Variants in ESR1 observed in about 807,000 individuals in gnomAD.
ESR1 encodes the protein estrogen receptor.
In ESR1, 12 loss-of-function variants were observed where a neutral mutation model predicts 52.7. That is an observed-to-expected ratio of 0.23 (90% CI 0.15 to 0.37). The LOEUF (loss-of-function observed/expected upper bound fraction) is 0.37. Ranked by LOEUF, ESR1 falls within the 10% of genes least tolerant of loss-of-function variation. The pLI, the probability that ESR1 is intolerant of heterozygous loss-of-function variation, is 1.00. For synonymous variants in ESR1, 305 were observed against 316.8 expected, an observed-to-expected ratio of 0.96 and a Z score of 0.39; for missense variants, 584 against 779.7, an observed-to-expected ratio of 0.75 and a Z score of 2.99.
chr6:152,081,905 C>A lies in ESR1; in HGVS notation c.1370-12480C>A, dbSNP rs192794273. Reference sequence around the variant, plus strand: ...ATGGATAAATTCCTGGACACATACACCCTCCCAAGACTCAACCAGGAAGAA... The same window carrying A: ...ATGGATAAATTCCTGGACACATACAACCTCCCAAGACTCAACCAGGAAGAA... On this transcript the variant is annotated intron_variant, in intron 6 of 7. Coordinates refer to ENST00000206249, the MANE Select transcript of ESR1 (RefSeq NM_000125.4). Among the ~76,000 whole-genome samples the A allele has an allele frequency of 5.6e-3, 845 of 152,244 alleles. 25 individuals carry two copies. Among genetic ancestry groups the A allele is most frequent in the Admixed American group, 9.7e-3 (149 of 15,300 alleles).
chr6:151,797,029 C>A (rs1422984321), intron 2 of ESR1, among the ~76,000 whole-genome samples: 1 of 152,200 alleles, frequency 6.6e-6, no homozygotes, highest in East Asian at 1.9e-4. Context: ...CTGAAGGGAG[C>A]ATAGGCTAGG....
chr6:151,752,594 G>GA (rs1394123303), intron 2 of ESR1, among the ~76,000 whole-genome samples: 2 of 151,196 alleles, frequency 1.3e-5, no homozygotes, highest in African/African-American at 4.9e-5. Flanking sequence ...CAAAACTGTA[G>GA]AAAAAATATG....
intron 2 of ESR1, among the ~76,000 whole-genome samples, chr6:151,760,106 A>G (rs1024267721): frequency 4.6e-5 from 7 of 152,200 alleles, no homozygotes; most frequent in Non-Finnish European, 1.0e-4. Flanking sequence ...GGTTGGCTCA[A>G]TCTTCAATTT....
chr6:152,125,143 A>C, intron 6 of ESR1: 1 of 1,095,880 alleles, frequency 9.1e-7, no homozygotes, highest in Non-Finnish European at 1.3e-6. Context: ...AGTTAAAGGA[A>C]GAGGCCTAGC....
chr6:152,055,878 C>A (rs2047060420), intron 5 of ESR1, among the ~76,000 whole-genome samples: 1 of 152,180 alleles, frequency 6.6e-6, no homozygotes, highest in African/African-American at 2.4e-5. Context: ...GTATTCACTT[C>A]TAGTACCAAT....
chr6:152,025,791 A>T (rs952270473), intron 5 of ESR1, among the ~76,000 whole-genome samples: 1 of 151,676 alleles, frequency 6.6e-6, no homozygotes, highest in Non-Finnish European at 1.5e-5. Context: ...GTTTTAGTTC[A>T]TTTTCTAGCT....
intron 2 of ESR1, among the ~76,000 whole-genome samples, chr6:151,876,604 A>G (rs962136269): frequency 1.3e-5 from 2 of 152,194 alleles, no homozygotes; most frequent in African/African-American, 2.4e-5. Context: ...TCAGAAGAGA[A>G]GGAAAAAGAA....
chr6:151,904,268 TA>T (rs1031758714), intron 3 of ESR1, among the ~76,000 whole-genome samples: 1 of 152,216 alleles, frequency 6.6e-6, no homozygotes, highest in African/African-American at 2.4e-5. Flanking sequence ...TAGGGAGTAG[TA>T]AAGCCATTTC....
chr6:152,012,046 A>ACACACACACT (rs771620414), intron 5 of ESR1, among the ~76,000 whole-genome samples: 1 of 140,510 alleles, frequency 7.1e-6, no homozygotes, highest in Non-Finnish European at 1.5e-5. Flanking sequence ...ACACACACAC[A>ACACACACACT]CTCACACTCT....
chr6:152,056,938 C>T (rs1343861237), intron 5 of ESR1, among the ~76,000 whole-genome samples: 3 of 152,148 alleles, frequency 2.0e-5, no homozygotes, highest in East Asian at 3.9e-4. Flanking sequence ...CTAATCTTGT[C>T]TTTTACAGTC....
At chr6:151,671,969 G>A (rs1778079054) in intron 1 of ESR1, among the ~76,000 whole-genome samples, 1 of 152,176 alleles carries the variant, frequency 6.6e-6, no homozygotes, top group Non-Finnish European at 1.5e-5. Context: ...TCCAGCCTGG[G>A]TGACAGAGTG....
At chr6:151,976,474 T>C (rs915098061) in intron 4 of ESR1, among the ~76,000 whole-genome samples, 3 of 152,186 alleles carry the variant, frequency 2.0e-5, no homozygotes, top group African/African-American at 7.2e-5. Flanking sequence ...AACTGCTTGC[T>C]TTCACACCAT....
At chr6:151,715,984 G>C (rs1362072205) in intron 2 of ESR1, among the ~76,000 whole-genome samples, 1 of 152,094 alleles carries the variant, frequency 6.6e-6, no homozygotes, top group Non-Finnish European at 1.5e-5. Flanking sequence ...ATCTACCTTT[G>C]GTCTTTGATG....
At chr6:151,864,091 C>A (rs184945967) in intron 2 of ESR1, among the ~76,000 whole-genome samples, 1 of 152,288 alleles carries the variant, frequency 6.6e-6, no homozygotes, top group East Asian at 1.9e-4. Flanking sequence ...AGCTTCTGTT[C>A]TTTGCTGGGG....
chr6:151,704,988 C>T (rs1780078805), intron 2 of ESR1, among the ~76,000 whole-genome samples: 1 of 150,944 alleles, frequency 6.6e-6, no homozygotes, highest in African/African-American at 2.4e-5. Flanking sequence ...TATATAGGAG[C>T]AGTATAAAAA....
At chr6:152,106,178 A>G (rs556905197), downstream of ESR1, among the ~76,000 whole-genome samples, 4 of 152,286 alleles carry the variant, frequency 2.6e-5, no homozygotes, top group African/African-American at 9.6e-5. Context: ...ATTTGCTCCA[A>G]TGCAGCTCCA....
chr6:151,716,607 T>A (rs1781058304), intron 2 of ESR1, among the ~76,000 whole-genome samples: 1 of 152,184 alleles, frequency 6.6e-6, no homozygotes, highest in Admixed American at 6.5e-5. Flanking sequence ...CAGTTTGAAC[T>A]TCCTGGTGGC....
intron 2 of ESR1, among the ~76,000 whole-genome samples, chr6:151,772,970 G>T (rs1785637567): frequency 6.6e-6 from 1 of 152,250 alleles, no homozygotes; most frequent in South Asian, 2.1e-4. Flanking sequence ...AAATCTCTCT[G>T]TTATAAGTTG....
intron 2 of ESR1, among the ~76,000 whole-genome samples, chr6:151,731,313 G>A (rs117753334): frequency 0.019 from 2,955 of 151,718 alleles, 35 homozygotes; most frequent in East Asian, 0.037. Flanking sequence ...CTGAGATCGC[G>A]CCACTGTACA....
Sources: gnomAD v4.1 joint callset for allele counts (sites outside exome capture counted in the v4.1 genomes callset) on GRCh38, gnomAD v4.1.1 for gene constraint, MANE v1.5 for transcripts, NCBI Gene and HGNC (gene_info 2026-07-23, HGNC 2026-07-21) for gene names.